The following NCAM2 variants were observed in gnomAD, a reference collection of about 807,000 sequenced individuals.
NCAM2 encodes the protein neural cell adhesion molecule 2.
In NCAM2, 30 loss-of-function variants were observed where a neutral mutation model predicts 98.1. That is an observed-to-expected ratio of 0.31 (90% CI 0.23 to 0.41). The LOEUF is 0.41. NCAM2 is among the 10% of genes least tolerant of loss of function. NCAM2 has a pLI of 1.00. For synonymous variants in NCAM2, 368 were observed against 342.4 expected, an observed-to-expected ratio of 1.07 and a Z score of -0.83; for missense variants, 867 against 1,005.8, an observed-to-expected ratio of 0.86 and a Z score of 1.87.
chr21:21,534,337 A>G (rs1217718178), intron 16 of NCAM2, among the ~76,000 whole-genome samples, 200 bp from the exon 17 acceptor site: 1 of 152,062 alleles, frequency 6.6e-6, no homozygotes, highest in East Asian at 1.9e-4. Flanking sequence ...GAAAAAATGG[A>G]ATTTCTTCCT....
chr21:21,116,035 G>A (rs1038177204), intron 1 of NCAM2, among the ~76,000 whole-genome samples: 1 of 151,370 alleles, frequency 6.6e-6, no homozygotes, highest in Non-Finnish European at 1.5e-5. Context: ...GTGTGTGTGT[G>A]TGTGTGTGTG....
intron 1 of NCAM2, among the ~76,000 whole-genome samples, chr21:21,141,170 A>G (rs2826699): frequency 6.6e-6 from 1 of 151,958 alleles, no homozygotes; most frequent in East Asian, 1.9e-4. Flanking sequence ...TTTTGTAAAA[A>G]TGGTTTTCAA....
intron 16 of NCAM2, among the ~76,000 whole-genome samples, chr21:21,523,818 T>C (rs1989165594): frequency 1.3e-5 from 2 of 151,864 alleles, no homozygotes; most frequent in Non-Finnish European, 2.9e-5. Context: ...AATTAAATCA[T>C]ATAAAATGCT....
At chr21:21,142,200 G>A (rs928719107) in intron 1 of NCAM2, among the ~76,000 whole-genome samples, 1 of 152,004 alleles carries the variant, frequency 6.6e-6, no homozygotes, top group Non-Finnish European at 1.5e-5. Context: ...ATAAACATTT[G>A]TGACTTTTTT....
At chr21:21,216,202 C>A (rs1422168209) in intron 1 of NCAM2, among the ~76,000 whole-genome samples, 1 of 152,084 alleles carries the variant, frequency 6.6e-6, no homozygotes, top group African/African-American at 2.4e-5. Flanking sequence ...TAGTCAAAAT[C>A]CCAGACCCTT....
chr21:21,465,776 C>T (rs777272040), intron 12 of NCAM2, among the ~76,000 whole-genome samples: 1 of 151,656 alleles, frequency 6.6e-6, no homozygotes, highest in Non-Finnish European at 1.5e-5. Flanking sequence ...TTGTTATATC[C>T]CCTAGCTGAG....
intron 15 of NCAM2, among the ~76,000 whole-genome samples, chr21:21,488,708 T>C (rs1056070504): frequency 2.6e-5 from 4 of 151,802 alleles, no homozygotes; most frequent in Non-Finnish European, 5.9e-5. Flanking sequence ...TCTTTAAAGG[T>C]TTAAATTTGA....
intron 1 of NCAM2, among the ~76,000 whole-genome samples, chr21:21,269,053 T>A (rs1337786176): frequency 6.6e-6 from 1 of 152,114 alleles, no homozygotes; most frequent in Non-Finnish European, 1.5e-5. Flanking sequence ...ATACTTGCAT[T>A]GAAAAAACTT....
At chr21:21,183,880 C>T (rs1376589220) in intron 1 of NCAM2, among the ~76,000 whole-genome samples, 1 of 151,916 alleles carries the variant, frequency 6.6e-6, no homozygotes, top group Admixed American at 6.6e-5. Context: ...AAAGAAAAAC[C>T]GACCAACTTC....
intron 1 of NCAM2, among the ~76,000 whole-genome samples, chr21:21,149,592 G>T (rs1179430520): frequency 1.3e-5 from 2 of 151,818 alleles, no homozygotes; most frequent in Non-Finnish European, 2.9e-5. Context: ...ACAGGGCCCG[G>T]TGTGTGCTGT....
In NCAM2 at chr21:21,319,110, C is replaced by G. The variant is rs538378888; in HGVS notation, c.620-5273C>G. Among the ~76,000 whole-genome samples, 59 of 151,844 alleles carry G rather than the reference C, an allele frequency of 3.9e-4. No individual in the cohort carries two copies. In the South Asian group the frequency reaches 0.012, roughly 32 times the overall value. ...TCAGCTTGGGTGACAGAGGGAGACC[C>G]TGTATCAAAAAGAAAAACAAACAAA... On this transcript the variant is annotated intron_variant, in intron 5 of 17. Coordinates refer to ENST00000400546, the MANE Select transcript of NCAM2 (RefSeq NM_004540.5).
intron 15 of NCAM2, among the ~76,000 whole-genome samples, chr21:21,505,904 A>G (rs996352875): frequency 1.3e-5 from 2 of 151,854 alleles, no homozygotes; most frequent in Non-Finnish European, 2.9e-5. Context: ...TATTTTTATT[A>G]TTACTGTCTC....
intron 1 of NCAM2, among the ~76,000 whole-genome samples, chr21:21,252,031 G>T (rs1275502593): frequency 6.6e-6 from 1 of 151,482 alleles, no homozygotes; most frequent in Non-Finnish European, 1.5e-5. Context: ...TTATAGTTTG[G>T]GGTTCAAAGG....
chr21:21,234,132 G>C (rs1483443081), intron 1 of NCAM2, among the ~76,000 whole-genome samples: 1 of 151,872 alleles, frequency 6.6e-6, no homozygotes, highest in Non-Finnish European at 1.5e-5. Context: ...ATATTGGATT[G>C]CCACTTAGGT....
intron 8 of NCAM2, among the ~76,000 whole-genome samples, chr21:21,363,136 A>G (rs1305648499): frequency 6.6e-6 from 1 of 152,166 alleles, no homozygotes; most frequent in Non-Finnish European, 1.5e-5. Context: ...ATAAACTAGA[A>G]TCTCTTTTGG....
At chr21:21,427,860 G>T (rs751458647) in intron 11 of NCAM2, among the ~76,000 whole-genome samples, 2 of 152,186 alleles carry the variant, frequency 1.3e-5, no homozygotes, top group Non-Finnish European at 2.9e-5. Flanking sequence ...CTGATGATCA[G>T]GGAGGGATAG....
intron 1 of NCAM2, among the ~76,000 whole-genome samples, chr21:21,123,652 C>A (rs905296397): frequency 3.9e-5 from 6 of 151,900 alleles, no homozygotes; most frequent in Non-Finnish European, 1.5e-5. Context: ...ATGCGCATTG[C>A]AATTAATATA....
At chr21:21,325,273 A>G (rs961413604) in intron 6 of NCAM2, among the ~76,000 whole-genome samples, 1 of 152,208 alleles carries the variant, frequency 6.6e-6, no homozygotes, top group Non-Finnish European at 1.5e-5. Flanking sequence ...AAAGATTAGT[A>G]AAATATACAT....
At chr21:21,224,643 T>C (rs899177756) in intron 1 of NCAM2, among the ~76,000 whole-genome samples, 2 of 152,232 alleles carry the variant, frequency 1.3e-5, no homozygotes, top group Admixed American at 6.6e-5. Flanking sequence ...ATATTATCTA[T>C]ACAGTGGCAA....
Sources: allele counts gnomAD v4.1 joint callset (sites outside exome capture counted in the v4.1 genomes callset), GRCh38; gene constraint gnomAD v4.1.1; transcripts MANE v1.5; gene names NCBI Gene and HGNC (gene_info 2026-07-23, HGNC 2026-07-21).